The following CDH18 variants were observed in gnomAD, a reference collection of about 807,000 sequenced individuals.
CDH18 encodes cadherin 18, also known as cadherin-18.
In CDH18, 31 loss-of-function variants were observed where a neutral mutation model predicts 67.9. The ratio of observed to expected loss-of-function variants is 0.46; its 90% CI spans 0.34 to 0.62. CDH18 has a LOEUF of 0.62. Ranked by LOEUF, CDH18 falls within the 20% of genes least tolerant of loss-of-function variation. The pLI is 0.01. For synonymous variants in CDH18, 362 were observed against 347.2 expected (o/e 1.04, Z -0.48); for missense variants, 890 against 975.5 (o/e 0.91, Z 1.17).
chr5:19,508,782 C>G (rs376920524), intron 10 of CDH18, among the ~76,000 whole-genome samples: 1 of 151,604 alleles, frequency 6.6e-6, no homozygotes, highest in African/African-American at 2.4e-5. Flanking sequence ...TAAAATTTGT[C>G]TAATCTAATA....
At chr5:19,651,487 A>G (rs772726680) in intron 5 of CDH18, among the ~76,000 whole-genome samples, 27 of 152,086 alleles carry the variant, frequency 1.8e-4, no homozygotes, top group Non-Finnish European at 2.8e-4. Flanking sequence ...AGCATACCCT[A>G]TCAGTATCAA....
chr5:19,920,670 T>C (rs564710570), intron 2 of CDH18, among the ~76,000 whole-genome samples: 18 of 151,922 alleles, frequency 1.2e-4, no homozygotes, highest in South Asian at 8.3e-4. Context: ...CCCGCCATCA[T>C]GCCCAGCTAA....
chr5:19,750,552 A>G (rs571261576), intron 3 of CDH18, among the ~76,000 whole-genome samples: 356 of 152,204 alleles, frequency 2.3e-3, no homozygotes, highest in Middle Eastern at 3.4e-3. Flanking sequence ...GTCACCAGTG[A>G]GACATCAAAT....
At chr5:20,456,213 G>C (rs1750824216) in intron 1 of CDH18, among the ~76,000 whole-genome samples, 1 of 152,026 alleles carries the variant, frequency 6.6e-6, no homozygotes, top group African/African-American at 2.4e-5. Flanking sequence ...TAATTTTGGA[G>C]ATTTACTAAA....
At chr5:20,236,203 C>T (rs1020985330) in intron 2 of CDH18, among the ~76,000 whole-genome samples, 1 of 150,596 alleles carries the variant, frequency 6.6e-6, no homozygotes, top group Non-Finnish European at 1.5e-5. Flanking sequence ...CAAACCTGTA[C>T]ATGTATACCC....
At chr5:19,646,707 A>C (rs1305879696) in intron 5 of CDH18, among the ~76,000 whole-genome samples, 1 of 152,184 alleles carries the variant, frequency 6.6e-6, no homozygotes, top group Non-Finnish European at 1.5e-5. Flanking sequence ...ATCTAAATGG[A>C]ATAAAGGATG....
chr5:20,001,385 T>C (rs1736427681), intron 2 of CDH18, among the ~76,000 whole-genome samples: 1 of 152,120 alleles, frequency 6.6e-6, no homozygotes, highest in South Asian at 2.1e-4. Context: ...GTAGGTGTTA[T>C]ATAATAAATG....
chr5:19,956,191 T>G (rs1190517711), intron 2 of CDH18, among the ~76,000 whole-genome samples: 2 of 151,994 alleles, frequency 1.3e-5, no homozygotes, highest in African/African-American at 4.8e-5. Context: ...AAACGGAGAA[T>G]GTTTCTGCAG....
At chr5:19,681,707 A>T (rs1760354895) in intron 5 of CDH18, among the ~76,000 whole-genome samples, 1 of 151,888 alleles carries the variant, frequency 6.6e-6, no homozygotes, top group Non-Finnish European at 1.5e-5. Context: ...AGAGAGAGAT[A>T]ATCTTCTCTT....
chr5:20,162,721 C>A (rs1735987529), intron 2 of CDH18, among the ~76,000 whole-genome samples: 1 of 151,200 alleles, frequency 6.6e-6, no homozygotes, highest in Admixed American at 6.6e-5. Flanking sequence ...ATATATATGT[C>A]TTTATAATAT....
chr5:19,887,801 G>A (rs1788379049), intron 2 of CDH18, among the ~76,000 whole-genome samples: 1 of 151,516 alleles, frequency 6.6e-6, no homozygotes, highest in African/African-American at 2.4e-5. Context: ...TGAACTCCTG[G>A]ACTCAAGCAA....
chr5:19,887,489 G>C (rs185943548), intron 2 of CDH18, among the ~76,000 whole-genome samples: 3 of 151,936 alleles, frequency 2.0e-5, no homozygotes, highest in Admixed American at 2.0e-4. Flanking sequence ...ACAAAATCAT[G>C]ATGTTATTCT....
chr5:19,497,180 T>C (rs1203104514), intron 11 of CDH18, among the ~76,000 whole-genome samples: 1 of 151,732 alleles, frequency 6.6e-6, no homozygotes, highest in African/African-American at 2.4e-5. Flanking sequence ...GTTCTAGATA[T>C]TAGAAAAGGC....
chr5:20,191,205 G>T (rs557362311), intron 2 of CDH18, among the ~76,000 whole-genome samples: 2 of 152,134 alleles, frequency 1.3e-5, no homozygotes, highest in Admixed American at 6.6e-5. Context: ...TGAGTTATAC[G>T]CTCTGAAGTT....
At chr5:19,700,179 T>TA (rs1174485452) in intron 5 of CDH18, among the ~76,000 whole-genome samples, 3 of 152,182 alleles carry the variant, frequency 2.0e-5, no homozygotes, top group Admixed American at 2.0e-4. Context: ...CTGTACAACT[T>TA]ATACTACAAA....
At chr5:19,479,843 G>C (rs528591956) in intron 12 of CDH18, among the ~76,000 whole-genome samples, 41 of 152,026 alleles carry the variant, frequency 2.7e-4, no homozygotes, top group African/African-American at 9.4e-4. Flanking sequence ...AAATGAAAAA[G>C]TAAACATATC....
intron 5 of CDH18, among the ~76,000 whole-genome samples, chr5:19,641,962 A>C (rs1257520182): frequency 1.3e-5 from 2 of 152,034 alleles, no homozygotes; most frequent in Non-Finnish European, 2.9e-5. Flanking sequence ...CAACAACAAA[A>C]AAACCTGTTG....
intron 1 of CDH18, among the ~76,000 whole-genome samples, chr5:20,544,670 C>T (rs889609799): frequency 9.9e-5 from 15 of 152,132 alleles, no homozygotes; most frequent in Admixed American, 7.9e-4. Flanking sequence ...GGAAACCACT[C>T]CCATAATCCA....
At chr5:20,157,775 G>A (rs1046438806) in intron 2 of CDH18, among the ~76,000 whole-genome samples, 18 of 151,440 alleles carry the variant, frequency 1.2e-4, no homozygotes, top group Admixed American at 5.9e-4. Context: ...CCTGAGTAGC[G>A]GGACTACAGG....
Sources: allele counts gnomAD v4.1 joint callset (sites outside exome capture counted in the v4.1 genomes callset), GRCh38; gene constraint gnomAD v4.1.1; transcripts MANE v1.5; gene names NCBI Gene and HGNC (gene_info 2026-07-23, HGNC 2026-07-21).